The following ZBTB11 variants were observed in gnomAD, a reference collection of about 807,000 sequenced individuals.
ZBTB11 encodes the protein zinc finger and BTB domain containing 11, also known as zinc finger and BTB domain-containing protein 11.
ZBTB11 carries 68 observed loss-of-function variants against 113.1 expected under a neutral mutation model. The ratio of observed to expected loss-of-function variants is 0.60; its 90% CI spans 0.49 to 0.74. The LOEUF is 0.74. ZBTB11 is among the 30% of genes least tolerant of loss of function. ZBTB11 has a pLI of 0.00. For synonymous variants in ZBTB11, 518 were observed against 452.6 expected, an observed-to-expected ratio of 1.14 and a Z score of -1.83; for missense variants, 1,104 against 1,279.4, an observed-to-expected ratio of 0.86 and a Z score of 2.09.
At chr3:101,676,564 C>T (rs574923192) in intron 1 of ZBTB11, 41 bp downstream of exon 1, 6 of 1,448,004 alleles carry the variant, frequency 4.1e-6, no homozygotes, top group South Asian at 2.9e-5. Context: ...GCCCAGGCAA[C>T]GAGTCGCCAG....
At chr3:101,662,090 G>T (rs369911165) in intron 5 of ZBTB11, 2 of 151,966 alleles carry the variant, frequency 1.3e-5, no homozygotes, top group Non-Finnish European at 2.9e-5. Flanking sequence ...TAGTGAGAAG[G>T]GGGTAAAGAG....
chr3:101,654,595 A>G (rs918410794), intron 8 of ZBTB11, 109 bp downstream of exon 8: 2 of 891,530 alleles, frequency 2.2e-6, no homozygotes, highest in Non-Finnish European at 3.5e-6. Flanking sequence ...GGACATTAAA[A>G]TCAAGAGTAA....
In ZBTB11 at chr3:101,665,131, T is replaced by C. The variant is rs1412286866; in HGVS notation, c.1456A>G (p.Asn486Asp). The C allele has an allele frequency of 1.5e-5, 25 of 1,614,174 alleles. No individual in the cohort carries two copies. Among genetic ancestry groups the C allele is most frequent in the Non-Finnish European group, 2.1e-5 (25 of 1,180,032 alleles). ...GTCTTTGCTGTTGATGCAACTAGAT[T>C]TTCCTGATCTTTTAAAGGTTGGTCA... Reference protein sequence around the residue: ...KVDQPLKDQENLVASTAKTDF... With the variant: ...KVDQPLKDQEDLVASTAKTDF... Residue 486 changes from asparagine (N) to aspartate (D), a missense_variant, in exon 4 of 11, where the codon AAT becomes GAT. Physicochemically the swap from Asn to Asp is conservative, Grantham distance 23. This residue lies in a region of ZBTB11 where 535 missense variants were observed against 518.6 expected (regional missense o/e 1.03). Coordinates refer to ENST00000312938, the MANE Select transcript of ZBTB11 (RefSeq NM_014415.4).
At chr3:101,657,405 C>G (rs908081325) in intron 6 of ZBTB11, among the ~76,000 whole-genome samples, 34 of 151,512 alleles carry the variant, frequency 2.2e-4, no homozygotes, top group African/African-American at 8.0e-4. Context: ...ACTCGGGAGG[C>G]TGAGGCAGGA....
chr3:101,676,899 T>C lies in ZBTB11; in HGVS notation c.16A>G (p.Ser6Gly), dbSNP rs1448584423. 6.3e-7 allele frequency: 1 copy of C among 1,576,876 alleles called. No homozygotes were observed. The highest frequency in any genetic ancestry group is 8.6e-7 in the Non-Finnish European group (1 of 1,157,058). Residue 6 changes from serine to glycine, a missense_variant, in exon 1 of 11, where the codon AGC (serine) becomes GGC (glycine). Coordinates refer to ENST00000312938, the MANE Select transcript of ZBTB11 (RefSeq NM_014415.4). The stretch of plus-strand genomic sequence containing the variant: ...AGGTAACGCAGGATGGCCCGGTAGC[T>C]TTCCTCGCTTGACATCGCGGACCGC... MSSEE[S>G]YRAILRYLTN...
intron 6 of ZBTB11, among the ~76,000 whole-genome samples, chr3:101,659,437 CCA>C (rs1273684823): frequency 8.5e-5 from 13 of 152,174 alleles, no homozygotes; most frequent in African/African-American, 3.1e-4. Flanking sequence ...CTTTTACGGA[CCA>C]CAGAGATTTG....
rs577276504 is a variant in ZBTB11 at position 101,661,927 on chromosome 3, T to C, written c.1801-1899A>G. ...TAACTTGTCTTTTTGCTCTATTTTC[T>C]GGGAGATTTCATTAGTTATATTTTC... On this transcript the variant is annotated intron_variant, in intron 5 of 10. Coordinates refer to ENST00000312938, the MANE Select transcript of ZBTB11 (RefSeq NM_014415.4). 16 of 152,212 alleles carry C rather than the reference T, an allele frequency of 1.1e-4. No homozygotes were observed. The South Asian group carries it at 3.3e-3, about 32-fold the overall frequency. The allele number at this position is 152,212 out of a possible 1,614,324, so 9.4% of individuals were successfully genotyped here.
Position 101,676,925 on chromosome 3 carries a change from G to A in ZBTB11, c.-11C>T, listed in dbSNP as rs1395154286. On this transcript the variant is annotated 5_prime_UTR_variant, in exon 1 of 11. Coordinates refer to ENST00000312938, the MANE Select transcript of ZBTB11 (RefSeq NM_014415.4). ...TTCCTCGCTTGACATCGCGGACCGC[G>A]GCTCCCTGAGGGCGCCTGTCAGGGA... 1 of 1,552,710 alleles carries A rather than the reference G, an allele frequency of 6.4e-7. No individual in the cohort carries two copies. Among genetic ancestry groups the A allele is most frequent in the South Asian group, 1.2e-5 (1 of 83,766 alleles).
At chr3:101,657,594 C>T (rs575199416) in intron 6 of ZBTB11, among the ~76,000 whole-genome samples, 6 of 151,760 alleles carry the variant, frequency 4.0e-5, no homozygotes, top group East Asian at 1.9e-4. Context: ...ACATGTACCA[C>T]GAGCTGGTAA....
chr3:101,676,731 G>C lies in ZBTB11; in HGVS notation c.184C>G (p.Leu62Val). The change falls in exon 1 of 11, where the codon CTG becomes GTG. Residue 62 changes from leucine (L) to valine (V), a missense_variant. By Grantham distance (32) the Leu-to-Val change is conservative (BLOSUM62 1). Around this residue, in one of 5 missense-constraint regions of ZBTB11, gnomAD observed 245 missense variants for 272.5 expected, o/e 0.90. Coordinates refer to ENST00000312938, the MANE Select transcript of ZBTB11 (RefSeq NM_014415.4). Reference protein sequence around the residue: ...RQRHRKTFAELEVVLQPERRR... With the variant: ...RQRHRKTFAEVEVVLQPERRR... The stretch of plus-strand genomic sequence containing the variant: ...CGCTCCGGCTGCAGCACCACCTCCA[G>C]CTCCGCGAAGGTCTTGCGGTGCCGC... 1 of 1,603,260 alleles carries C rather than the reference G, an allele frequency of 6.2e-7. No individual in the cohort carries two copies. Among genetic ancestry groups the C allele is most frequent in the Non-Finnish European group, 8.5e-7 (1 of 1,175,170 alleles).
Position 101,665,186 on chromosome 3 carries a change from G to T in ZBTB11, c.1401C>A (p.Ala467=). 1 of 1,613,888 alleles carries T rather than the reference G, an allele frequency of 6.2e-7. No homozygotes were observed. The highest frequency in any genetic ancestry group is 8.5e-7 in the Non-Finnish European group (1 of 1,180,008). The change falls in exon 4 of 11, where the codon GCC becomes GCA. Residue 467 remains alanine, a synonymous_variant. Transcript: ENST00000312938. The part of the protein sequence containing the change: ...GNDISAEDIC[A]EDIPKHRQKV... ...TCTGCCTATGTTTTGGAATGTCTTC[G>T]GCACAAATATCCTCAGCTGATATAT... is the stretch of plus-strand genomic sequence containing the variant.
At chr3:101,669,788 A>C (rs1245665961) in intron 3 of ZBTB11, among the ~76,000 whole-genome samples, 1 of 151,632 alleles carries the variant, frequency 6.6e-6, no homozygotes, top group Admixed American at 6.6e-5. Context: ...TATGCAGTGG[A>C]TGCTTAATAA....
chr3:101,670,517 A>G (rs923403637), intron 3 of ZBTB11: 7 of 152,250 alleles, frequency 4.6e-5, no homozygotes, highest in African/African-American at 1.7e-4. Flanking sequence ...TAATTTGATT[A>G]TTGAACTTAA....
chr3:101,677,120 T>G lies in ZBTB11; in HGVS notation c.-206A>C. On this transcript the variant is annotated 5_prime_UTR_variant, in exon 1 of 11. Coordinates refer to ENST00000312938, the MANE Select transcript of ZBTB11 (RefSeq NM_014415.4). Reference sequence around the variant, plus strand: ...AACTGCACTTCTCCAGCGCGCGGGATCCGCTGGCGACTGACAAAATGGCTG... The same window carrying G: ...AACTGCACTTCTCCAGCGCGCGGGAGCCGCTGGCGACTGACAAAATGGCTG... 1 of 563,192 alleles carries G rather than the reference T, an allele frequency of 1.8e-6. No homozygotes were observed. The highest frequency in any genetic ancestry group is 4.8e-4 in the Middle Eastern group (1 of 2,102). The allele number at this position is 563,192 out of a possible 1,614,324, so 34.9% of individuals were successfully genotyped here. A position where few individuals can be genotyped will look rare whatever the true frequency, so the allele number is the denominator to read the frequency against.
intron 1 of ZBTB11, among the ~76,000 whole-genome samples, chr3:101,674,000 AG>A (rs1490350556): frequency 1.3e-5 from 2 of 151,464 alleles, no homozygotes; most frequent in Non-Finnish European, 2.9e-5. Context: ...TGTTTAACCT[AG>A]GAATTTGTCA....
intron 1 of ZBTB11, 126 bp downstream of exon 1, chr3:101,676,479 G>A: frequency 2.0e-6 from 2 of 1,001,248 alleles, no homozygotes; most frequent in Non-Finnish European, 2.7e-6. Flanking sequence ...GCTCCGCCTG[G>A]CAGCAGCTCC....
intron 8 of ZBTB11, among the ~76,000 whole-genome samples, chr3:101,653,273 C>A (rs1244521466): frequency 6.6e-6 from 1 of 152,140 alleles, no homozygotes; most frequent in Non-Finnish European, 1.5e-5. Flanking sequence ...TTACCTTTGA[C>A]CCTAGGGATA....
intron 3 of ZBTB11, among the ~76,000 whole-genome samples, chr3:101,669,022 C>G (rs1371238616): frequency 6.9e-6 from 1 of 145,746 alleles, no homozygotes; most frequent in Admixed American, 6.9e-5. Flanking sequence ...GTAAATGACA[C>G]ACTTATGATA....
At position 101,672,180 on chromosome 3, in the gene ZBTB11, T is replaced by C. The variant is rs777163011; in HGVS notation, c.344A>G (p.Gln115Arg). The C allele has an allele frequency of 4.3e-6, 7 of 1,609,734 alleles. No individual in the cohort carries two copies. Among genetic ancestry groups the C allele is most frequent in the Admixed American group, 3.4e-5 (2 of 59,156 alleles). Residue 115 changes from glutamine (Q) to arginine (R), a missense_variant, in exon 2 of 11, where the codon CAG (glutamine) becomes CGG (arginine). By Grantham distance (43) the Gln-to-Arg change is conservative. This residue lies in a region of ZBTB11 where 245 missense variants were observed against 272.5 expected (regional missense o/e 0.90). Coordinates refer to ENST00000312938, the MANE Select transcript of ZBTB11 (RefSeq NM_014415.4). ...ILKQVKDYIK[Q>R]CSKCQEKLDR... ...TAGTTTCTCCTGGCATTTGCTACACTGTTTAATGTAATCTTTGACTTGCTT... is the reference window on the plus strand; with the variant it reads ...TAGTTTCTCCTGGCATTTGCTACACCGTTTAATGTAATCTTTGACTTGCTT...
Sources: allele counts gnomAD v4.1 joint callset (sites outside exome capture counted in the v4.1 genomes callset), GRCh38; gene constraint gnomAD v4.1.1; regional missense constraint gnomAD v4.1.1; transcripts MANE v1.5; gene names NCBI Gene and HGNC (gene_info 2026-07-23, HGNC 2026-07-21).